The following PRSS38 variants were observed in gnomAD, a reference collection of about 807,000 sequenced individuals.
The protein encoded by PRSS38 is marapsin 2.
A neutral mutation model predicts 26.8 loss-of-function variants in PRSS38; 22 were observed. The ratio of observed to expected loss-of-function variants is 0.82; its 90% CI spans 0.59 to 1.17. The LOEUF is 1.17. Among genes scored for constraint, PRSS38 ranks in the 50% most tolerant of loss-of-function variants. The probability of loss-of-function intolerance (pLI) is 0.00; values close to 1 mark genes in which losing one functional copy is unlikely to be tolerated. For synonymous variants in PRSS38, 175 were observed against 172.1 expected (o/e 1.02, Z -0.13); for missense variants, 427 against 422.7 (o/e 1.01, Z -0.09).
rs1664925240 is a variant in PRSS38, at chr1:227,816,808, T to C, written c.312-401T>C. On this transcript the variant is annotated intron_variant, in intron 2 of 4. Transcript: ENST00000366757. This position sits in a 1 kb window ranked among gnomAD's most constrained non-coding sequence, Gnocchi z 5.1. ...CAGGTCCTCATAAGCAAGGCTGGTC[T>C]CTAAGCACCTGGCCTTCCCGATTGC... Among the ~76,000 whole-genome samples the C allele has an allele frequency of 6.6e-6, 1 of 152,228 alleles. No homozygotes were observed. Among genetic ancestry groups the C allele is most frequent in the Non-Finnish European group, 1.5e-5 (1 of 68,034 alleles).
chr1:227,843,579 G>A (rs1316866434), intron 3 of PRSS38, among the ~76,000 whole-genome samples: 1 of 151,994 alleles, frequency 6.6e-6, no homozygotes, highest in Non-Finnish European at 1.5e-5. Context: ...GCGCATGCCT[G>A]TAATCCCAGC....
chr1:227,827,361 T>C lies in PRSS38; in HGVS notation c.583+9881T>C, dbSNP rs563840686. Among the ~76,000 whole-genome samples the C allele has an allele frequency of 5.9e-5, 9 of 152,276 alleles. No individual in the cohort carries two copies. The South Asian group carries it at 1.7e-3, about 28-fold the overall frequency. On this transcript the variant is annotated intron_variant, in intron 3 of 4. Transcript: ENST00000366757. Reference sequence around the variant, plus strand: ...TTTATTACTGCTTCAATTTCAGAACTTGTTATTGGTCTGTTCAGGGTTTCA... The same window carrying C: ...TTTATTACTGCTTCAATTTCAGAACCTGTTATTGGTCTGTTCAGGGTTTCA...
chr1:227,842,726 A>C (rs1241131221), intron 3 of PRSS38, among the ~76,000 whole-genome samples: 1 of 151,982 alleles, frequency 6.6e-6, no homozygotes, highest in Non-Finnish European at 1.5e-5. Flanking sequence ...GATTACAGGC[A>C]TGTGCTACCA....
chr1:227,839,715 C>G (rs1426174659), intron 3 of PRSS38, among the ~76,000 whole-genome samples: 1 of 152,122 alleles, frequency 6.6e-6, no homozygotes, highest in Non-Finnish European at 1.5e-5. Flanking sequence ...GATGTGCCAC[C>G]ACTCTTTTTG....
intron 3 of PRSS38, among the ~76,000 whole-genome samples, chr1:227,839,997 T>C (rs1665294696): frequency 6.6e-6 from 1 of 152,170 alleles, no homozygotes; most frequent in Non-Finnish European, 1.5e-5. Context: ...CAGAAACAGT[T>C]TAATTTTCCA....
At chr1:227,837,398 C>T (rs1015709060) in intron 3 of PRSS38, among the ~76,000 whole-genome samples, 56 of 152,160 alleles carry the variant, frequency 3.7e-4, no homozygotes, top group African/African-American at 1.3e-3. Flanking sequence ...TTTTGAGATT[C>T]ATTCATGTTG....
At chr1:227,830,805 T>C (rs1353598418) in intron 3 of PRSS38, among the ~76,000 whole-genome samples, 1 of 152,022 alleles carries the variant, frequency 6.6e-6, no homozygotes, top group African/African-American at 2.4e-5. Flanking sequence ...GTGCCCGGCC[T>C]TAAGGTATCT....
chr1:227,815,812 A>G (rs772982692), exon 1 of PRSS38: 39 of 1,612,146 alleles, frequency 2.4e-5, no homozygotes, highest in Non-Finnish European at 3.1e-5. Context: ...GGGTCGCAGC[A>G]TTGGTCCACA....
At position 227,816,868 on chromosome 1, in the gene PRSS38, C is replaced by T. The variant is rs2102671050; in HGVS notation, c.312-341C>T. ...AGCCCCATTCACCACAGCTGCCCCG[C>T]ACAGCAGGCACGCCTCTCCTGTGGC... On this transcript the variant is annotated intron_variant, in intron 2 of 4. Transcript: ENST00000366757. This position sits in a 1 kb window ranked among gnomAD's most constrained non-coding sequence, Gnocchi z 5.1. Among the ~76,000 whole-genome samples, 2 of 152,374 alleles carry T rather than the reference C, an allele frequency of 1.3e-5. No homozygotes were observed. Among genetic ancestry groups the T allele is most frequent in the South Asian group, 4.1e-4 (2 of 4,834 alleles).
intron 3 of PRSS38, among the ~76,000 whole-genome samples, chr1:227,820,674 C>G (rs1165540284): frequency 6.6e-6 from 1 of 152,084 alleles, no homozygotes; most frequent in Non-Finnish European, 1.5e-5. Context: ...AAGGTATGAT[C>G]TGTAGTTATA....
chr1:227,823,666 ATC>A (rs1355214219), intron 3 of PRSS38, among the ~76,000 whole-genome samples: 2 of 152,144 alleles, frequency 1.3e-5, no homozygotes, highest in Non-Finnish European at 2.9e-5. Context: ...AGAGCCTAAC[ATC>A]TCTCTTACTT....
intron 3 of PRSS38, among the ~76,000 whole-genome samples, chr1:227,839,061 T>C (rs996091305): frequency 2.6e-5 from 4 of 152,178 alleles, no homozygotes; most frequent in Non-Finnish European, 4.4e-5. Flanking sequence ...CGTGGATACA[T>C]TCAGGTTCAG....
intron 3 of PRSS38, among the ~76,000 whole-genome samples, chr1:227,845,086 C>T (rs1201420237): frequency 6.9e-6 from 1 of 145,854 alleles, no homozygotes; most frequent in African/African-American, 2.6e-5. Flanking sequence ...GGGGTGCCTC[C>T]CTATGTGTGG....
intron 3 of PRSS38, among the ~76,000 whole-genome samples, chr1:227,835,070 G>A (rs1665219830): frequency 6.6e-6 from 1 of 152,144 alleles, no homozygotes; most frequent in Admixed American, 6.5e-5. Flanking sequence ...TGGTCCACAA[G>A]CACATGCAAG....
chr1:227,822,710 A>G (rs1456183444), intron 3 of PRSS38, among the ~76,000 whole-genome samples: 1 of 152,170 alleles, frequency 6.6e-6, no homozygotes, highest in African/African-American at 2.4e-5. Flanking sequence ...CAAAACCAAA[A>G]ATCTCTTCTT....
At chr1:227,819,552 C>A (rs1326169084) in intron 3 of PRSS38, among the ~76,000 whole-genome samples, 1 of 152,120 alleles carries the variant, frequency 6.6e-6, no homozygotes. Flanking sequence ...AATATTCAGA[C>A]CATGTTGAGT....
chr1:227,832,859 C>A (rs1412944426), intron 3 of PRSS38, among the ~76,000 whole-genome samples: 1 of 152,036 alleles, frequency 6.6e-6, no homozygotes, highest in Non-Finnish European at 1.5e-5. Flanking sequence ...TCAACACACA[C>A]AAAAAAAGTT....
At chr1:227,825,116 T>C (rs1389098613) in intron 3 of PRSS38, among the ~76,000 whole-genome samples, 1 of 152,268 alleles carries the variant, frequency 6.6e-6, no homozygotes, top group East Asian at 1.9e-4. Context: ...GCAATTGCTT[T>C]TGGCATTTTT....
chr1:227,845,444 C>T, intron 3 of PRSS38, 26 bp from the exon 4 acceptor site: 1 of 1,591,356 alleles, frequency 6.3e-7, no homozygotes, highest in Non-Finnish European at 8.5e-7. Flanking sequence ...AGGTGCTGCC[C>T]CCTCACGGGA....
Sources: allele counts gnomAD v4.1 joint callset (sites outside exome capture counted in the v4.1 genomes callset), GRCh38; gene constraint gnomAD v4.1.1; non-coding constraint Gnocchi (gnomAD v3.1); transcripts MANE v1.5; gene names NCBI Gene and HGNC (gene_info 2026-07-23, HGNC 2026-07-21).